Variants in ASRGL1 observed in about 807,000 individuals in gnomAD.
ASRGL1 encodes asparaginase and isoaspartyl peptidase 1.
A neutral mutation model predicts 22.4 loss-of-function variants in ASRGL1; 16 were observed. The observed-to-expected ratio is 0.71, with a 90% CI of 0.48 to 1.08. The LOEUF (loss-of-function observed/expected upper bound fraction) is 1.08. ASRGL1 is among the 50% of genes least tolerant of loss of function. ASRGL1 has a pLI of 0.00. For missense variants in ASRGL1, 412 were observed against 410.1 expected (o/e 1.00, Z -0.04); for synonymous variants, 165 against 159.3 (o/e 1.04, Z -0.27).
intron 4 of ASRGL1, among the ~76,000 whole-genome samples, chr11:62,368,890 T>C (rs1340758940): frequency 2.0e-5 from 3 of 152,204 alleles, no homozygotes; most frequent in Non-Finnish European, 4.4e-5. Flanking sequence ...TGTTTTCTCC[T>C]ATCTCAGTAA....
chr11:62,394,575 A>G (rs1443352239), downstream of ASRGL1, among the ~76,000 whole-genome samples: 1 of 151,946 alleles, frequency 6.6e-6, no homozygotes, highest in Non-Finnish European at 1.5e-5. Context: ...GGAGAAGACA[A>G]CAATCGCTAA....
intron 2 of ASRGL1, among the ~76,000 whole-genome samples, chr11:62,354,652 T>C (rs1565157186): frequency 6.6e-6 from 1 of 152,114 alleles, no homozygotes; most frequent in South Asian, 2.1e-4. Context: ...AGTGTGGATA[T>C]GCTGGAGAAA....
intron 4 of ASRGL1, among the ~76,000 whole-genome samples, chr11:62,362,066 G>A (rs1180086204): frequency 6.6e-6 from 1 of 152,104 alleles, no homozygotes; most frequent in Non-Finnish European, 1.5e-5. Flanking sequence ...AAGAAGCTTG[G>A]CTAAGAATCC....
At position 62,357,017 on chromosome 11, in the gene ASRGL1, G is replaced by T. The variant is rs777695027; in HGVS notation, c.364G>T (p.Ala122Ser). The T allele has an allele frequency of 1.9e-6, 3 of 1,613,486 alleles. No homozygotes were observed. The highest frequency in any genetic ancestry group is 1.7e-6 in the Non-Finnish European group (2 of 1,179,870). ...TPHCFLTDQG[A>S]AQFAAAMGVP... ...TCATTGCTTTCTGACTGACCAAGGC[G>T]CAGCGCAGTTTGCAGCAGCTATGGG... The change falls in exon 4 of 7, where the codon GCA (alanine) becomes TCA (serine). Residue 122 changes from alanine (A) to serine (S), a missense_variant. Ala to Ser is a moderately conservative substitution (Grantham distance 99). Coordinates refer to ENST00000415229, the MANE Select transcript of ASRGL1 (RefSeq NM_001083926.2).
chr11:62,361,742 C>T (rs1311927577), intron 4 of ASRGL1, among the ~76,000 whole-genome samples: 2 of 151,896 alleles, frequency 1.3e-5, no homozygotes, highest in Non-Finnish European at 2.9e-5. Context: ...TGCCTCAGCC[C>T]CCTAAAGTAC....
intron 4 of ASRGL1, among the ~76,000 whole-genome samples, chr11:62,374,277 C>T (rs1202935640): frequency 3.3e-5 from 5 of 152,186 alleles, no homozygotes; most frequent in Non-Finnish European, 7.3e-5. Context: ...CCCGTGTCCC[C>T]GTCAAGTGCC....
At position 62,357,757 on chromosome 11, in the gene ASRGL1, T is replaced by C. The variant is rs147393295; in HGVS notation, c.491+613T>C. 4.6e-3 allele frequency among the ~76,000 whole-genome samples: 700 copies of C among 152,276 alleles called. 10 individuals are homozygous for C. The highest frequency in any genetic ancestry group is 0.016 in the African/African-American group (671 of 41,550). On this transcript the variant is annotated intron_variant, in intron 4 of 6. Coordinates refer to ENST00000415229, the MANE Select transcript of ASRGL1 (RefSeq NM_001083926.2). ...AAATTAGTCATTTTCTGAATTACAGTTTTCTGTTACAGATTTTGAAATCCT... is the reference window on the plus strand; with the variant it reads ...AAATTAGTCATTTTCTGAATTACAGCTTTCTGTTACAGATTTTGAAATCCT...
chr11:62,337,837 C>A (rs1945759888), intron 1 of ASRGL1, 53 bp from the exon 2 acceptor site: 11 of 906,246 alleles, frequency 1.2e-5, no homozygotes, highest in Middle Eastern at 7.0e-4. Flanking sequence ...CCCTACCCAC[C>A]CCCAGCTGCG....
At chr11:62,339,077 TG>T in intron 2 of ASRGL1, among the ~76,000 whole-genome samples, 1 of 152,212 alleles carries the variant, frequency 6.6e-6, no homozygotes, top group East Asian at 1.9e-4. Flanking sequence ...TTATCAGAGT[TG>T]ATTCTCTCCT....
downstream of ASRGL1, among the ~76,000 whole-genome samples, chr11:62,398,384 A>G (rs1590769739): frequency 2.6e-5 from 4 of 152,176 alleles, no homozygotes; most frequent in African/African-American, 9.6e-5. Flanking sequence ...CCACACAGCT[A>G]GGAGCCAGAG....
chr11:62,389,398 G>C, intron 5 of ASRGL1, 147 bp downstream of exon 5: 1 of 798,336 alleles, frequency 1.3e-6, no homozygotes, highest in Non-Finnish European at 2.1e-6. Context: ...GTGACAATGG[G>C]GTTGGAAGGG....
downstream of ASRGL1, among the ~76,000 whole-genome samples, chr11:62,395,987 T>A (rs891147532): frequency 2.6e-5 from 4 of 151,890 alleles, no homozygotes; most frequent in Admixed American, 2.6e-4. Context: ...TTGGACAGGC[T>A]GGTCTCGAAC....
chr11:62,377,395 A>G lies in ASRGL1; in HGVS notation c.492-11738A>G, dbSNP rs1259239317. Among the ~76,000 whole-genome samples, 4 of 152,206 alleles carry G rather than the reference A, an allele frequency of 2.6e-5. No homozygotes were observed. The South Asian group carries it at 8.3e-4, about 31-fold the overall frequency. On this transcript the variant is annotated intron_variant, in intron 4 of 6. Transcript: ENST00000415229. The stretch of plus-strand genomic sequence containing the variant: ...CTGTACTACATATGCAGAATCTGAT[A>G]CAATATTAATAGGTTGATTAAAATC...
chr11:62,359,252 G>A (rs1327647971), intron 4 of ASRGL1, among the ~76,000 whole-genome samples: 1 of 152,158 alleles, frequency 6.6e-6, no homozygotes, highest in Non-Finnish European at 1.5e-5. Flanking sequence ...TTCAAGACCA[G>A]CCTGACTAAC....
At chr11:62,376,057 G>A (rs183056658) in intron 4 of ASRGL1, among the ~76,000 whole-genome samples, 268 of 129,256 alleles carry the variant, frequency 2.1e-3, no homozygotes, top group African/African-American at 7.3e-3. Context: ...AGCTGAGATC[G>A]CACCACTGCA....
intron 2 of ASRGL1, among the ~76,000 whole-genome samples, chr11:62,353,530 G>A (rs940464518): frequency 6.6e-6 from 1 of 151,688 alleles, no homozygotes; most frequent in Non-Finnish European, 1.5e-5. Context: ...AAGAGATGGG[G>A]TCTTGCTGTG....
chr11:62,365,156 A>G (rs1057017906), intron 4 of ASRGL1, among the ~76,000 whole-genome samples: 3 of 152,188 alleles, frequency 2.0e-5, no homozygotes, highest in African/African-American at 7.2e-5. Flanking sequence ...GGGAAGGTGT[A>G]AGCCAGAGGG....
intron 2 of ASRGL1, among the ~76,000 whole-genome samples, chr11:62,350,400 A>G (rs998752516): frequency 2.4e-4 from 36 of 152,228 alleles, no homozygotes; most frequent in African/African-American, 8.7e-4. Context: ...ATGAACATTC[A>G]TGAACACGTT....
Position 62,372,531 on chromosome 11 carries a change from A to G in ASRGL1, c.491+15387A>G. ...AGCAGATAGAGTATGACTGCAAACTAGTTCCCCAGCGAGTGGCCATCTTCA... is the reference window on the plus strand; with the variant it reads ...AGCAGATAGAGTATGACTGCAAACTGGTTCCCCAGCGAGTGGCCATCTTCA... On this transcript the variant is annotated intron_variant, in intron 4 of 6. Coordinates refer to ENST00000415229, the MANE Select transcript of ASRGL1 (RefSeq NM_001083926.2). The G allele has an allele frequency of 5.0e-6, 5 of 993,824 alleles. No individual in the cohort carries two copies. The South Asian group carries it at 6.4e-5, about 13-fold the overall frequency. 61.6% of individuals were successfully genotyped at this position (993,824 alleles called of 1,614,324 possible). A position where few individuals can be genotyped will look rare whatever the true frequency, so the allele number is the denominator to read the frequency against.
Sources: gnomAD v4.1 joint callset for allele counts (sites outside exome capture counted in the v4.1 genomes callset) on GRCh38, gnomAD v4.1.1 for gene constraint, MANE v1.5 for transcripts, NCBI Gene and HGNC (gene_info 2026-07-23, HGNC 2026-07-21) for gene names.